The following LGI4 variants were observed in gnomAD, a reference collection of about 807,000 sequenced individuals.
LGI4 encodes leucine rich repeat LGI family member 4, also known as leucine-rich repeat LGI family member 4.
Under a neutral mutation model 48.3 loss-of-function variants are expected in LGI4, and 36 were observed. That is an observed-to-expected ratio of 0.75 (90% CI 0.57 to 0.98). The LOEUF (loss-of-function observed/expected upper bound fraction) is 0.98, where lower values mean the gene tolerates loss of function less well. LGI4 is among the 50% of genes least tolerant of loss of function. The pLI, the probability that LGI4 is intolerant of heterozygous loss-of-function variation, is 0.00. For synonymous variants in LGI4, 355 were observed against 331.6 expected (o/e 1.07, Z -0.77); for missense variants, 701 against 732.1 (o/e 0.96, Z 0.49).
chr19:35,133,230 T>G lies in LGI4; in HGVS notation c.314+463A>C, dbSNP rs1002268951. ...ACCCACACCAATGCCAGCATTGTCA[T>G]GCTGTGACTGCCACCGCTGCCACCA... On this transcript the variant is annotated intron_variant, in intron 3 of 8. Transcript: ENST00000310123. 5 of 478,008 alleles carry G rather than the reference T, an allele frequency of 1.0e-5. No individual in the cohort carries two copies. The African/African-American group carries it at 1.1e-4, about 10-fold the overall frequency. 29.6% of individuals were successfully genotyped at this position (478,008 alleles called of 1,614,324 possible).
intron 3 of LGI4, 66 bp downstream of exon 3, chr19:35,133,627 C>G: frequency 2.0e-6 from 3 of 1,521,540 alleles, no homozygotes; most frequent in Non-Finnish European, 2.7e-6. Context: ...TCCCCCTACT[C>G]TGGGAGCCAC....
At position 35,131,844 on chromosome 19, in the gene LGI4, G is replaced by A. The variant is rs1356075630; in HGVS notation, c.403C>T (p.His135Tyr). ...SLTHLSLANN[H>Y]LETLPRFLFR... is the part of the protein sequence containing the mutation. ...AGGAATCTGGGGAGGGTCTCCAGATGGTTATTGGCCAGGCTTCTGGTGGAG... is the reference window on the plus strand; with the variant it reads ...AGGAATCTGGGGAGGGTCTCCAGATAGTTATTGGCCAGGCTTCTGGTGGAG... Residue 135 changes from histidine (H) to tyrosine (Y), a missense_variant, in exon 5 of 9, where the codon CAT becomes TAT. By Grantham distance (83) the His-to-Tyr change is moderately conservative. Transcript: ENST00000310123. 4 of 1,574,674 alleles carry A rather than the reference G, an allele frequency of 2.5e-6. No homozygotes were observed. The highest frequency in any genetic ancestry group is 2.3e-5 in the East Asian group (1 of 42,972).
intron 8 of LGI4, 48 bp from the exon 9 acceptor site, chr19:35,125,555 G>A: frequency 6.8e-7 from 1 of 1,462,174 alleles, no homozygotes; most frequent in Middle Eastern, 1.8e-4. Flanking sequence ...GGGTCTCTGG[G>A]GGCCGTGGAA....
intron 6 of LGI4, among the ~76,000 whole-genome samples, chr19:35,130,438 A>C (rs1442641188): frequency 1.3e-5 from 2 of 152,148 alleles, no homozygotes; most frequent in Non-Finnish European, 2.9e-5. Flanking sequence ...TAATCCCAGC[A>C]CTTTGGGAGG....
At chr19:35,128,852 T>G (rs903672459) in intron 6 of LGI4, among the ~76,000 whole-genome samples, 3 of 152,220 alleles carry the variant, frequency 2.0e-5, no homozygotes, top group African/African-American at 7.2e-5. Flanking sequence ...TCGTTTGATC[T>G]TCAAACAGGG....
chr19:35,133,958 A>G, intron 2 of LGI4, 75 bp downstream of exon 2: 1 of 1,439,328 alleles, frequency 6.9e-7, no homozygotes, highest in Non-Finnish European at 9.6e-7. Context: ...CATCTGTGTG[A>G]GCATACACTC....
In LGI4 at chr19:35,126,938, C is replaced by G. The variant is rs1262462112; in HGVS notation, c.708G>C (p.Val236=). 1.2e-6 allele frequency: 2 copies of G among 1,613,836 alleles called. No homozygotes were observed. Among genetic ancestry groups the G allele is most frequent in the African/African-American group, 1.3e-5 (1 of 75,052 alleles). ...PFSYQGEPHI[V]LAQPFAGRCL... is the part of the protein sequence containing the mutation. ...AGCGGCCGGCGAAGGGCTGTGCCAG[C>G]ACAATGTGAGGCTCCCCTTGGTAGG... is the stretch of plus-strand genomic sequence containing the variant. The change falls in exon 7 of 9, where the codon GTG becomes GTC. Residue 236 remains valine, a synonymous_variant. Coordinates refer to ENST00000310123, the MANE Select transcript of LGI4 (RefSeq NM_139284.3).
In LGI4 at chr19:35,127,186, G is replaced by A. The variant is rs182025674; in HGVS notation, c.629-169C>T. ...ATGTTTGTTTGGTTTGGGTCGAGGG[G>A]TATTTTGTTTTGTTTTGAGACAGGG... On this transcript the variant is annotated intron_variant, in intron 6 of 8. Coordinates refer to ENST00000310123, the MANE Select transcript of LGI4 (RefSeq NM_139284.3). 9.9e-5 allele frequency among the ~76,000 whole-genome samples: 15 copies of A among 152,214 alleles called. No homozygotes were observed. The East Asian group carries it at 1.9e-3, about 20-fold the overall frequency.
chr19:35,131,467 C>T lies in LGI4; in HGVS notation c.547G>A (p.Gly183Ser), dbSNP rs757831095. Residue 183 changes from glycine (G) to serine (S), a missense_variant, in exon 6 of 9, where the codon GGC becomes AGC. Coordinates refer to ENST00000310123, the MANE Select transcript of LGI4 (RefSeq NM_139284.3). ...AGGGAGGCGGGGCCCGCACAGGCGC[C>T]GGTCCCCACGCTGGCATTCACGGTG... ...MPTVNASVGT[G>S]ACAGPASLSH... 1.4e-5 allele frequency: 21 copies of T among 1,551,380 alleles called. No individual in the cohort carries two copies. Among genetic ancestry groups the T allele is most frequent in the South Asian group, 2.4e-5 (2 of 84,058 alleles).
chr19:35,128,270 TG>T (rs1005590179), intron 6 of LGI4, among the ~76,000 whole-genome samples: 1 of 152,342 alleles, frequency 6.6e-6, no homozygotes, highest in Admixed American at 6.5e-5. Context: ...GTAGGGGAGC[TG>T]GGCAGTTGAC....
At chr19:35,129,923 C>T (rs909638805) in intron 6 of LGI4, among the ~76,000 whole-genome samples, 10 of 152,034 alleles carry the variant, frequency 6.6e-5, no homozygotes, top group Non-Finnish European at 1.2e-4. Context: ...GATAGAAAAC[C>T]GCCTTATGGC....
rs1376275306 is a variant in LGI4, at chr19:35,131,835, T to A, written c.412A>T (p.Thr138Ser). 1.3e-6 allele frequency: 2 copies of A among 1,572,910 alleles called. No individual in the cohort carries two copies. The highest frequency in any genetic ancestry group is 1.9e-5 in the Admixed American group (1 of 53,764). Reference protein sequence around the residue: ...HLSLANNHLETLPRFLFRGLD... With the variant: ...HLSLANNHLESLPRFLFRGLD... ...CCTCGGAACAGGAATCTGGGGAGGG[T>A]CTCCAGATGGTTATTGGCCAGGCTT... The change falls in exon 5 of 9, where the codon ACC becomes TCC. Residue 138 changes from threonine (T) to serine (S), a missense_variant. Physicochemically the swap from Thr to Ser is moderately conservative, Grantham distance 58. Coordinates refer to ENST00000310123, the MANE Select transcript of LGI4 (RefSeq NM_139284.3).
chr19:35,126,918 CCGGCGAA>C lies in LGI4; in HGVS notation c.721_727del (p.Phe241AlafsTer4). The C allele has an allele frequency of 6.2e-7, 1 of 1,613,626 alleles. No individual in the cohort carries two copies. Among genetic ancestry groups the C allele is most frequent in the Non-Finnish European group, 8.5e-7 (1 of 1,179,906 alleles). ...GTCCCAGGAGAGAATCAGGCAGCGG[CCGGCGAA>C]GGGCTGTGCCAGCACAATGTGAGGC... is the stretch of plus-strand genomic sequence containing the variant. On this transcript the variant is annotated frameshift_variant, in exon 7 of 9. Coordinates refer to ENST00000310123, the MANE Select transcript of LGI4 (RefSeq NM_139284.3). LOFTEE classifies it high-confidence loss of function.
chr19:35,126,609 G>A lies in LGI4; in HGVS notation c.960C>T (p.Ala320=), dbSNP rs77635806. 7 of 1,541,654 alleles carry A rather than the reference G, an allele frequency of 4.5e-6. No individual in the cohort carries two copies. In the Admixed American group the frequency reaches 5.9e-5, roughly 13 times the overall value. The part of the protein sequence containing the change: ...APRRLLRPND[A]ELLWLEGQPC... ...GTTGCCCTTCCAGCCACAGGAGCTC[G>A]GCGTCATTGGGCCGCAGCAGCCGCC... The change falls in exon 8 of 9, where the codon GCC becomes GCT. Residue 320 remains alanine (A), a synonymous_variant. Coordinates refer to ENST00000310123, the MANE Select transcript of LGI4 (RefSeq NM_139284.3).
Position 35,126,936 on chromosome 19 carries a change from A to G in LGI4, c.710T>C (p.Leu237Pro), listed in dbSNP as rs779169268. ...GCAGCGGCCGGCGAAGGGCTGTGCC[A>G]GCACAATGTGAGGCTCCCCTTGGTA... ...FSYQGEPHIV[L>P]AQPFAGRCLI... Residue 237 changes from leucine (L) to proline (P), a missense_variant, in exon 7 of 9, where the codon CTG becomes CCG. Leu to Pro is a moderately conservative substitution (Grantham distance 98). Transcript: ENST00000310123. The G allele has an allele frequency of 2.3e-5, 37 of 1,613,738 alleles. No homozygotes were observed. Among genetic ancestry groups the G allele is most frequent in the Non-Finnish European group, 3.1e-5 (36 of 1,179,956 alleles).
At chr19:35,133,335 C>G in intron 3 of LGI4, 1 of 1,114,462 alleles carries the variant, frequency 9.0e-7, no homozygotes, top group South Asian at 2.5e-5. Flanking sequence ...AGAGTTGTTT[C>G]CTGGTCATTT....
intron 6 of LGI4, among the ~76,000 whole-genome samples, chr19:35,128,560 A>C (rs2065155147): frequency 6.6e-6 from 1 of 151,990 alleles, no homozygotes; most frequent in South Asian, 2.1e-4. Flanking sequence ...AAATACAAAA[A>C]ATTAGCAGGC....
At position 35,126,365 on chromosome 19, in the gene LGI4, C is replaced by T. The variant is rs1018924392; in HGVS notation, c.1204G>A (p.Asp402Asn). 1 of 1,611,718 alleles carries T rather than the reference C, an allele frequency of 6.2e-7. No homozygotes were observed. The highest frequency in any genetic ancestry group is 8.5e-7 in the Non-Finnish European group (1 of 1,179,602). ...WTGGRFERRT[D>N]IPEAEDVYAT... ...TAGACATCCTCGGCCTCGGGGATGT[C>T]TGTGCGTCTCTCGAAGCGGCCACCG... Residue 402 changes from aspartate to asparagine, a missense_variant, in exon 8 of 9, where the codon GAC (aspartate) becomes AAC (asparagine). This residue lies in a region of LGI4 where 223 missense variants were observed against 263.3 expected (regional missense o/e 0.85). Coordinates refer to ENST00000310123, the MANE Select transcript of LGI4 (RefSeq NM_139284.3).
chr19:35,134,391 C>T, intron 1 of LGI4, 120 bp downstream of exon 1: 1 of 1,055,660 alleles, frequency 9.5e-7, no homozygotes, highest in South Asian at 1.5e-5. Context: ...GGCTTTGCTG[C>T]CCATCTCCTG....
Sources: allele counts gnomAD v4.1 joint callset (sites outside exome capture counted in the v4.1 genomes callset), GRCh38; gene constraint gnomAD v4.1.1; regional missense constraint gnomAD v4.1.1; transcripts MANE v1.5; gene names NCBI Gene and HGNC (gene_info 2026-07-23, HGNC 2026-07-21).